The following NAALADL2 variants were observed in gnomAD, a reference collection of about 807,000 sequenced individuals.
NAALADL2 encodes N-acetylated alpha-linked acidic dipeptidase like 2.
In NAALADL2, 76 loss-of-function variants were observed where a neutral mutation model predicts 87.2. That is an observed-to-expected ratio of 0.87 (90% CI 0.72 to 1.05). The LOEUF (loss-of-function observed/expected upper bound fraction) is 1.05, where lower values mean the gene tolerates loss of function less well. Ranked by LOEUF, NAALADL2 falls within the 50% of genes least tolerant of loss-of-function variation. The pLI is 0.00. For missense variants in NAALADL2, 1,089 were observed against 945.8 expected (o/e 1.15, Z -1.99); for synonymous variants, 354 against 331.0 (o/e 1.07, Z -0.75).
chr3:174,589,499 T>G (rs1578242599), intron 2 of NAALADL2, among the ~76,000 whole-genome samples: 1 of 152,204 alleles, frequency 6.6e-6, no homozygotes, highest in South Asian at 2.1e-4. Context: ...TCGGCCATCT[T>G]AGAACCAAGT....
chr3:175,028,227 T>C (rs1025507791), intron 1 of NAALADL2, among the ~76,000 whole-genome samples: 6 of 152,090 alleles, frequency 3.9e-5, no homozygotes, highest in African/African-American at 1.4e-4. Flanking sequence ...AAAGCATCTT[T>C]GAGGAGTAAG....
At chr3:175,682,599 A>G (rs573012269) in intron 11 of NAALADL2, among the ~76,000 whole-genome samples, 1 of 143,778 alleles carries the variant, frequency 7.0e-6, no homozygotes, top group African/African-American at 3.0e-5. Context: ...GCAGAAATGT[A>G]GTGTTTGAAA....
chr3:174,513,549 C>T (rs539424072), intron 1 of NAALADL2: 18 of 152,252 alleles, frequency 1.2e-4, no homozygotes, highest in African/African-American at 3.8e-4. Context: ...TTTGGAATTA[C>T]AAAATCCTTT....
At chr3:175,148,988 T>C (rs1731170158) in intron 2 of NAALADL2, among the ~76,000 whole-genome samples, 1 of 152,282 alleles carries the variant, frequency 6.6e-6, no homozygotes, top group Admixed American at 6.5e-5. Context: ...CTGTGAAAAA[T>C]AATATTTCTA....
At chr3:175,181,911 T>C (rs1251904948) in intron 2 of NAALADL2, among the ~76,000 whole-genome samples, 1 of 151,452 alleles carries the variant, frequency 6.6e-6, no homozygotes, top group Admixed American at 6.6e-5. Context: ...TTTGGATATA[T>C]ACCTAGGATT....
At chr3:174,649,174 G>C (rs1724105642) in intron 2 of NAALADL2, among the ~76,000 whole-genome samples, 1 of 151,806 alleles carries the variant, frequency 6.6e-6, no homozygotes, top group African/African-American at 2.4e-5. Context: ...ATGTTGGCCA[G>C]GCTGGTCTTG....
At chr3:175,089,249 T>C (rs1030011399) in intron 1 of NAALADL2, among the ~76,000 whole-genome samples, 1 of 152,092 alleles carries the variant, frequency 6.6e-6, no homozygotes, top group East Asian at 1.9e-4. Context: ...ACCATTAAGA[T>C]TGAAGGACCC....
At chr3:175,772,704 A>C (rs1215421532) in intron 13 of NAALADL2, among the ~76,000 whole-genome samples, 1 of 152,156 alleles carries the variant, frequency 6.6e-6, no homozygotes, top group Non-Finnish European at 1.5e-5. Context: ...GCCGCTATTC[A>C]GAGGCCTGAG....
chr3:174,832,390 A>T (rs1223676479), intron 3 of NAALADL2, among the ~76,000 whole-genome samples: 4 of 151,868 alleles, frequency 2.6e-5, no homozygotes, highest in African/African-American at 7.3e-5. Flanking sequence ...CAGGAGCAGG[A>T]TGTTCAGTTT....
intron 5 of NAALADL2, among the ~76,000 whole-genome samples, chr3:175,423,028 A>AAAAAAAAAATATATATAT (rs1438736874): frequency 1.8e-5 from 2 of 111,312 alleles, no homozygotes; most frequent in African/African-American, 4.1e-5. Flanking sequence ...GAAAAAAAAA[A>AAAAAAAAAATATATATAT]ATATATATAT....
intron 2 of NAALADL2, among the ~76,000 whole-genome samples, chr3:174,661,831 A>G (rs1725534591): frequency 6.6e-6 from 1 of 151,496 alleles, no homozygotes; most frequent in Non-Finnish European, 1.5e-5. Context: ...GTGCACGCAC[A>G]CACACACACA....
chr3:175,570,843 G>A (rs1168003131), intron 9 of NAALADL2, among the ~76,000 whole-genome samples: 1 of 143,464 alleles, frequency 7.0e-6, no homozygotes, highest in Non-Finnish European at 1.5e-5. Context: ...TCGTGCCACT[G>A]CACTCCAGCC....
intron 3 of NAALADL2, among the ~76,000 whole-genome samples, chr3:174,753,521 G>T (rs1711548483): frequency 6.6e-6 from 1 of 152,106 alleles, no homozygotes; most frequent in Non-Finnish European, 1.5e-5. Context: ...TGGTTTCTTG[G>T]GATATAGGCC....
chr3:175,586,404 C>T (rs572518734), intron 10 of NAALADL2, among the ~76,000 whole-genome samples: 99 of 152,258 alleles, frequency 6.5e-4, no homozygotes, highest in African/African-American at 2.3e-3. Context: ...CTCAAGAGGG[C>T]TGCAGTTGTC....
In NAALADL2 at chr3:174,868,577, G is replaced by A. The variant is rs56113911; in HGVS notation, c.43+9127G>A. ...AATTCATGTGATTATAGTGGGATTC[G>A]AAAAAAGAATTTGGGAGACACTTGA... On this transcript the variant is annotated intron_variant, in intron 1 of 13. Transcript: ENST00000454872. Among the ~76,000 whole-genome samples, 720 of 152,010 alleles carry A rather than the reference G, an allele frequency of 4.7e-3. 7 individuals are homozygous for A. Among genetic ancestry groups the A allele is most frequent in the African/African-American group, 0.017 (687 of 41,528 alleles).
At chr3:174,473,296 T>C (rs538249214) in intron 1 of NAALADL2, among the ~76,000 whole-genome samples, 1 of 152,304 alleles carries the variant, frequency 6.6e-6, no homozygotes, top group South Asian at 2.1e-4. Flanking sequence ...CAATCATAGA[T>C]GATCTGCTCC....
At chr3:174,764,818 A>G (rs1713553706) in intron 3 of NAALADL2, among the ~76,000 whole-genome samples, 1 of 152,158 alleles carries the variant, frequency 6.6e-6, no homozygotes, top group Non-Finnish European at 1.5e-5. Flanking sequence ...AGGAGGAGAG[A>G]AATAAGACAA....
At chr3:174,733,609 A>C (rs754850256) in intron 2 of NAALADL2, among the ~76,000 whole-genome samples, 45 of 152,290 alleles carry the variant, frequency 3.0e-4, no homozygotes, top group Admixed American at 2.2e-3. Flanking sequence ...TTTTTTGTTA[A>C]GGCTCTTTCT....
intron 10 of NAALADL2, among the ~76,000 whole-genome samples, chr3:175,584,909 A>G (rs554478629): frequency 6.6e-6 from 1 of 152,308 alleles, no homozygotes; most frequent in African/African-American, 2.4e-5. Flanking sequence ...TCTGTGCACT[A>G]TTAAAGACTT....
Sources: gnomAD v4.1 joint callset for allele counts (sites outside exome capture counted in the v4.1 genomes callset) on GRCh38, gnomAD v4.1.1 for gene constraint, MANE v1.5 for transcripts, NCBI Gene and HGNC (gene_info 2026-07-23, HGNC 2026-07-21) for gene names.